NLK: variants seen among roughly 807,000 people sequenced by gnomAD.
The protein encoded by NLK is nemo like kinase.
Under a neutral mutation model 59.0 loss-of-function variants are expected in NLK, and 11 were observed. The ratio of observed to expected loss-of-function variants is 0.19; its 90% CI spans 0.12 to 0.31. The LOEUF is 0.31. NLK is among the 10% of genes least tolerant of loss of function. NLK has a pLI of 1.00. For missense variants in NLK, 410 were observed against 661.1 expected (o/e 0.62, Z 4.16); for synonymous variants, 235 against 235.9 (o/e 1.00, Z 0.03).
At chr17:28,200,324 T>C (rs758926266), downstream of NLK, among the ~76,000 whole-genome samples, 1 of 152,178 alleles carries the variant, frequency 6.6e-6, no homozygotes. Context: ...TTTGAGCTAA[T>C]TTTTGTATAA....
At chr17:28,109,374 A>G (rs554681756) in intron 1 of NLK, among the ~76,000 whole-genome samples, 20 of 152,308 alleles carry the variant, frequency 1.3e-4, no homozygotes, top group South Asian at 6.2e-4. Context: ...TGTTCTAACA[A>G]CTTTATTGAG....
chr17:28,074,874 A>G (rs1910118433), intron 1 of NLK, among the ~76,000 whole-genome samples: 1 of 152,216 alleles, frequency 6.6e-6, no homozygotes, highest in African/African-American at 2.4e-5. Flanking sequence ...AGAAGGCAAG[A>G]GGAGGTGCCA....
At chr17:28,133,800 T>C (rs1906618616) in intron 3 of NLK, among the ~76,000 whole-genome samples, 1 of 152,212 alleles carries the variant, frequency 6.6e-6, no homozygotes, top group South Asian at 2.1e-4. Flanking sequence ...TGAGATACTT[T>C]TTCTGATTCA....
At chr17:28,114,602 T>G (rs2142808894) in intron 1 of NLK, among the ~76,000 whole-genome samples, 1 of 152,344 alleles carries the variant, frequency 6.6e-6, no homozygotes, top group South Asian at 2.1e-4. Context: ...TAGTGCTTTT[T>G]GTGTTCAATT....
chr17:28,204,972 A>G, the NLK span, among the ~76,000 whole-genome samples: 1 of 152,222 alleles, frequency 6.6e-6, no homozygotes, highest in Non-Finnish European at 1.5e-5. Flanking sequence ...TCAGAGCTGC[A>G]TGCTCCTTCT....
At chr17:28,202,792 C>T in the NLK span, among the ~76,000 whole-genome samples, 2 of 150,388 alleles carry the variant, frequency 1.3e-5, no homozygotes, top group Admixed American at 6.7e-5. Context: ...AAGCGATTTT[C>T]CTGCCTCAGC....
At chr17:28,168,093 G>A (rs1225705553) in intron 5 of NLK, among the ~76,000 whole-genome samples, 1 of 151,690 alleles carries the variant, frequency 6.6e-6, no homozygotes, top group Non-Finnish European at 1.5e-5. Flanking sequence ...GGGAGGCCAA[G>A]GCAGATGGAT....
chr17:28,110,755 G>A (rs891644832), intron 1 of NLK, among the ~76,000 whole-genome samples: 7 of 151,816 alleles, frequency 4.6e-5, no homozygotes, highest in East Asian at 1.9e-4. Context: ...TAGTTTCTAC[G>A]TCTGTGTTGA....
At chr17:28,164,369 CAA>C (rs962344405) in intron 5 of NLK, among the ~76,000 whole-genome samples, 18 of 61,356 alleles carry the variant, frequency 2.9e-4, no homozygotes, top group Non-Finnish European at 5.0e-4. Context: ...GACCCTGTCT[CAA>C]AAAAAAAAAA....
At chr17:28,082,743 C>T (rs1269946716) in intron 1 of NLK, among the ~76,000 whole-genome samples, 1 of 152,158 alleles carries the variant, frequency 6.6e-6, no homozygotes, top group Admixed American at 6.5e-5. Context: ...GAGTAGAGTG[C>T]TTTTGGCTGT....
At chr17:28,125,334 G>A (rs1262058781) in intron 2 of NLK, among the ~76,000 whole-genome samples, 1 of 152,194 alleles carries the variant, frequency 6.6e-6, no homozygotes, top group Non-Finnish European at 1.5e-5. Context: ...GTCAGAACTA[G>A]GTTTGAATTG....
chr17:28,205,007 G>T, the NLK span, among the ~76,000 whole-genome samples: 4 of 152,184 alleles, frequency 2.6e-5, no homozygotes, highest in African/African-American at 9.7e-5. Flanking sequence ...AATGACTCAG[G>T]TCATTGGTGG....
At position 28,053,993 on chromosome 17, in the gene NLK, C is replaced by G. The variant is rs116564284; in HGVS notation, c.458+10662C>G. On this transcript the variant is annotated intron_variant, in intron 1 of 10. Coordinates refer to ENST00000407008, the MANE Select transcript of NLK (RefSeq NM_016231.5). ...GCAGCCTGGTGCAGAGGGTTTTTCC[C>G]CACTTTCTTCTCCACTTCCCTCTCT... Among the ~76,000 whole-genome samples, 9 of 152,264 alleles carry G rather than the reference C, an allele frequency of 5.9e-5. No homozygotes were observed. The South Asian group carries it at 1.9e-3, about 32-fold the overall frequency.
At position 28,185,214 on chromosome 17, in the gene NLK, G is replaced by C. The variant is rs1909068456; in HGVS notation, c.1185G>C (p.Gln395His). 1.3e-6 allele frequency: 2 copies of C among 1,595,716 alleles called. No homozygotes were observed. The highest frequency in any genetic ancestry group is 1.7e-6 in the Non-Finnish European group (2 of 1,170,130). ...CTGTACTCTATACCCTGTCTAGCCA[G>C]GCTACACATGAAGCTGTTCATCTCC... ...SLPVLYTLSS[Q>H]ATHEAVHLLC... The change falls in exon 8 of 11, where the codon CAG becomes CAC. Residue 395 changes from glutamine (Q) to histidine (H), a missense_variant. Transcript: ENST00000407008.
chr17:28,065,439 A>G (rs796190075), intron 1 of NLK, among the ~76,000 whole-genome samples: 30 of 152,278 alleles, frequency 2.0e-4, no homozygotes, highest in African/African-American at 7.2e-4. Flanking sequence ...TGTAGGATGA[A>G]TGTGATCGCT....
At chr17:28,146,445 G>A (rs1273093315) in intron 3 of NLK, among the ~76,000 whole-genome samples, 3 of 151,952 alleles carry the variant, frequency 2.0e-5, no homozygotes, top group Non-Finnish European at 2.9e-5. Context: ...CACCTAAATC[G>A]TTTTCTGTGT....
chr17:28,096,357 GA>G (rs1409234818), intron 1 of NLK, among the ~76,000 whole-genome samples: 3 of 152,250 alleles, frequency 2.0e-5, no homozygotes, highest in African/African-American at 4.8e-5. Context: ...GTTAAGCCAA[GA>G]AAATGTAAGC....
intron 5 of NLK, among the ~76,000 whole-genome samples, chr17:28,164,431 A>G (rs183182145): frequency 2.0e-5 from 3 of 152,248 alleles, no homozygotes; most frequent in Admixed American, 6.5e-5. Flanking sequence ...CATCTATCCA[A>G]TGTATTTCCA....
chr17:28,071,279 G>A (rs190928339), intron 1 of NLK, among the ~76,000 whole-genome samples: 87 of 152,300 alleles, frequency 5.7e-4, no homozygotes, highest in Non-Finnish European at 5.9e-5. Context: ...TACTCTAGAA[G>A]CTTTGTGTTT....
Sources: gnomAD v4.1 joint callset for allele counts (sites outside exome capture counted in the v4.1 genomes callset) on GRCh38, gnomAD v4.1.1 for gene constraint, MANE v1.5 for transcripts, NCBI Gene and HGNC (gene_info 2026-07-23, HGNC 2026-07-21) for gene names.